The following GRM7 variants were observed in gnomAD, a reference collection of about 807,000 sequenced individuals.
GRM7 encodes the protein glutamate metabotropic receptor 7, also known as metabotropic glutamate receptor 7.
GRM7 carries 35 observed loss-of-function variants against 84.5 expected under a neutral mutation model. The ratio of observed to expected loss-of-function variants is 0.41; its 90% CI spans 0.32 to 0.55. GRM7 has a LOEUF of 0.55. Ranked by LOEUF, GRM7 falls within the 20% of genes least tolerant of loss-of-function variation. The probability of loss-of-function intolerance (pLI) is 0.19; values close to 1 mark genes in which losing one functional copy is unlikely to be tolerated. For missense variants in GRM7, 1,003 were observed against 1,194.6 expected, an observed-to-expected ratio of 0.84 and a Z score of 2.36; for synonymous variants, 487 against 455.1, an observed-to-expected ratio of 1.07 and a Z score of -0.89.
At chr3:7,691,266 T>A (rs1328191879) in intron 9 of GRM7, 2 of 1,288,090 alleles carry the variant, frequency 1.6e-6, no homozygotes, top group Non-Finnish European at 2.0e-6. Context: ...TTCCAAAGCT[T>A]GTTCTTCTTG....
At chr3:6,887,806 A>G (rs1212128976) in intron 1 of GRM7, among the ~76,000 whole-genome samples, 3 of 152,238 alleles carry the variant, frequency 2.0e-5, no homozygotes, top group Non-Finnish European at 4.4e-5. Context: ...GAATGGCCAC[A>G]CTGTCTTCCA....
intron 1 of GRM7, among the ~76,000 whole-genome samples, chr3:7,054,426 G>A (rs1697140058): frequency 6.6e-6 from 1 of 150,818 alleles, no homozygotes; most frequent in Admixed American, 6.6e-5. Context: ...GGCTATATAT[G>A]TATCTTTAAT....
At chr3:7,661,431 A>AAAAG (rs1160302552) in intron 8 of GRM7, among the ~76,000 whole-genome samples, 1 of 152,208 alleles carries the variant, frequency 6.6e-6, no homozygotes, top group African/African-American at 2.4e-5. Context: ...CTGAAGTTAA[A>AAAAG]AAAGATTGAC....
intron 7 of GRM7, among the ~76,000 whole-genome samples, chr3:7,520,843 T>C (rs1700568098): frequency 6.6e-6 from 1 of 152,188 alleles, no homozygotes; most frequent in Non-Finnish European, 1.5e-5. Flanking sequence ...AGCTCATACA[T>C]AGTATGACAC....
chr3:7,445,108 A>G (rs969829372), intron 5 of GRM7, among the ~76,000 whole-genome samples: 2 of 152,216 alleles, frequency 1.3e-5, no homozygotes, highest in African/African-American at 4.8e-5. Context: ...CAAGAATACA[A>G]TGGTGGTTGT....
chr3:7,103,749 C>CCTTTCTTTCTTTCTCTTTCTTT (rs1699188592), intron 1 of GRM7, among the ~76,000 whole-genome samples: 1 of 96,662 alleles, frequency 1.0e-5, no homozygotes, highest in South Asian at 3.6e-4. Context: ...TCTCTCTCTC[C>CCTTTCTTTCTTTCTCTTTCTTT]CTTTCTTTCT....
At chr3:7,306,226 G>A (rs1700190144) in intron 3 of GRM7, among the ~76,000 whole-genome samples, 1 of 152,054 alleles carries the variant, frequency 6.6e-6, no homozygotes, top group African/African-American at 2.4e-5. Context: ...TCTAACATAT[G>A]TAAATATGTG....
chr3:6,862,265 T>A lies in GRM7; in HGVS notation c.519+358T>A, dbSNP rs1387345738. 6.6e-6 allele frequency among the ~76,000 whole-genome samples: 1 copy of A among 151,690 alleles called. No homozygotes were observed. Among genetic ancestry groups the A allele is most frequent in the Non-Finnish European group, 1.5e-5 (1 of 67,924 alleles). ...AGTGCCAGGCTCCTAGGAGAGCTGG[T>A]TAGGAGAATGGAATAGGAAAGATGA... On this transcript the variant is annotated intron_variant, in intron 1 of 9. Transcript: ENST00000357716. This position sits in a 1 kb window ranked among gnomAD's most constrained non-coding sequence, Gnocchi z 5.2.
intron 1 of GRM7, among the ~76,000 whole-genome samples, chr3:7,044,052 C>A (rs533777772): frequency 6.6e-6 from 1 of 152,302 alleles, no homozygotes; most frequent in Admixed American, 6.5e-5. Flanking sequence ...GCAGTCAATA[C>A]ATTTTGGAAA....
At chr3:7,230,988 G>T (rs879382364) in intron 2 of GRM7, among the ~76,000 whole-genome samples, 5 of 152,132 alleles carry the variant, frequency 3.3e-5, no homozygotes, top group Admixed American at 3.3e-4. Context: ...TTCTTCACAG[G>T]AGCACTGAAA....
At chr3:7,410,914 C>G (rs542624572) in intron 4 of GRM7, among the ~76,000 whole-genome samples, 1 of 152,090 alleles carries the variant, frequency 6.6e-6, no homozygotes, top group African/African-American at 2.4e-5. Context: ...TATTCTCTTA[C>G]GGTTCTGGGG....
chr3:7,394,245 T>A (rs1246868737), intron 4 of GRM7, among the ~76,000 whole-genome samples: 1 of 152,218 alleles, frequency 6.6e-6, no homozygotes, highest in Non-Finnish European at 1.5e-5. Context: ...CTTCAGTTGG[T>A]TCTGCTATAA....
rs143262206 is a variant in GRM7 at position 7,035,524 on chromosome 3, C to T, written c.520-110928C>T. 2.4e-3 allele frequency among the ~76,000 whole-genome samples: 363 copies of T among 152,108 alleles called. 2 individuals are homozygous for T. Among genetic ancestry groups the T allele is most frequent in the African/African-American group, 8.1e-3 (336 of 41,496 alleles). Reference sequence around the variant, plus strand: ...GAGCTGCACGTGAGGGGTGGCTATCCGAAATAAACAATTTGAAGGACATAC... The same window carrying T: ...GAGCTGCACGTGAGGGGTGGCTATCTGAAATAAACAATTTGAAGGACATAC... On this transcript the variant is annotated intron_variant, in intron 1 of 9. Transcript: ENST00000357716.
chr3:6,956,205 G>T (rs1478111330), intron 1 of GRM7, among the ~76,000 whole-genome samples: 2 of 152,178 alleles, frequency 1.3e-5, no homozygotes, highest in African/African-American at 4.8e-5. Flanking sequence ...GAGTTTTGCC[G>T]TATGGGCCAA....
At chr3:7,462,149 A>T (rs760264919) in intron 7 of GRM7, among the ~76,000 whole-genome samples, 1 of 151,968 alleles carries the variant, frequency 6.6e-6, no homozygotes, top group Non-Finnish European at 1.5e-5. Flanking sequence ...TTGTAATGGG[A>T]TTATCTGAGT....
At chr3:7,307,475 AG>A (rs1454745860) in intron 4 of GRM7, among the ~76,000 whole-genome samples, 2 of 152,214 alleles carry the variant, frequency 1.3e-5, no homozygotes, top group Non-Finnish European at 2.9e-5. Context: ...TCACTCAAAA[AG>A]GGATCAAATA....
At chr3:7,114,747 T>G (rs1692973986) in intron 1 of GRM7, among the ~76,000 whole-genome samples, 3 of 152,096 alleles carry the variant, frequency 2.0e-5, no homozygotes. Flanking sequence ...TAGAATAAAT[T>G]GGGAGTATAA....
intron 2 of GRM7, among the ~76,000 whole-genome samples, chr3:7,258,330 G>T (rs1698285113): frequency 6.6e-6 from 1 of 152,056 alleles, no homozygotes; most frequent in Non-Finnish European, 1.5e-5. Flanking sequence ...AGGGGTCTAT[G>T]GAATGGGTGA....
intron 8 of GRM7, 109 bp downstream of exon 8, chr3:7,579,466 G>A (rs144527952): frequency 1.6e-3 from 1,013 of 653,334 alleles, no homozygotes; most frequent in Middle Eastern, 3.4e-3. Context: ...ATGCAGAATG[G>A]TATTTCCAAG....
Sources: allele counts gnomAD v4.1 joint callset (sites outside exome capture counted in the v4.1 genomes callset), GRCh38; gene constraint gnomAD v4.1.1; non-coding constraint Gnocchi (gnomAD v3.1); transcripts MANE v1.5; gene names NCBI Gene and HGNC (gene_info 2026-07-23, HGNC 2026-07-21).